FGF13: variants seen among roughly 807,000 people sequenced by gnomAD.
The protein encoded by FGF13 is fibroblast growth factor 13.
A neutral mutation model predicts 19.5 loss-of-function variants in FGF13; 2 were observed. The ratio of observed to expected loss-of-function variants is 0.10; its 90% CI spans 0.04 to 0.32. The LOEUF (loss-of-function observed/expected upper bound fraction) is 0.32, where lower values mean the gene tolerates loss of function less well. Among genes scored for constraint, FGF13 ranks in the 10% least tolerant of loss-of-function variants. The probability of loss-of-function intolerance (pLI) is 1.00; values close to 1 mark genes in which losing one functional copy is unlikely to be tolerated. For synonymous variants in FGF13, 72 were observed against 76.9 expected (o/e 0.94, Z 0.33); for missense variants, 113 against 192.7 (o/e 0.59, Z 2.45).
intron 1 of FGF13, among the ~76,000 whole-genome samples, chrX:138,947,579 TG>T (rs748093501): frequency 8.9e-6 from 1 of 112,220 alleles, no homozygotes; most frequent in African/African-American, 3.2e-5. Context: ...TTGCCTCTCC[TG>T]TCATGAGGAA....
At chrX:139,183,178 G>A (rs191076485) in intron 1 of FGF13, among the ~76,000 whole-genome samples, 7 of 112,077 alleles carry the variant, frequency 6.2e-5, no homozygotes, top group South Asian at 3.7e-4. Context: ...GGCAGGACAC[G>A]CCAAAAACAT....
intron 1 of FGF13, among the ~76,000 whole-genome samples, chrX:138,984,605 GGAGGAGGAGGAT>G (rs1389227955): frequency 3.8e-5 from 2 of 52,814 alleles, no homozygotes; most frequent in African/African-American, 6.4e-5. Context: ...AGGAGGAGGA[GGAGGAGGAGGAT>G]GAGGAAGAGG....
At chrX:138,731,703 G>A (rs1351482034) in intron 1 of FGF13, among the ~76,000 whole-genome samples, 1 of 110,429 alleles carries the variant, frequency 9.1e-6, no homozygotes, top group Non-Finnish European at 1.9e-5. Flanking sequence ...ATCAGTGACA[G>A]AAAACAAATG....
intron 3 of FGF13, among the ~76,000 whole-genome samples, chrX:138,812,069 C>G (rs746739941): frequency 2.7e-5 from 3 of 110,600 alleles, no homozygotes; most frequent in Admixed American, 9.7e-5. Flanking sequence ...CAATCACTCT[C>G]CATCCCTCCT....
intron 1 of FGF13, among the ~76,000 whole-genome samples, chrX:138,912,319 T>TA (rs764864285): frequency 1.7e-3 from 189 of 111,088 alleles, no homozygotes; most frequent in Middle Eastern, 4.7e-3. Context: ...TTCAGCATGC[T>TA]AAAAAAGAGT....
At chrX:138,911,786 G>A (rs1284919992) in intron 1 of FGF13, among the ~76,000 whole-genome samples, 1 of 111,643 alleles carries the variant, frequency 9.0e-6, no homozygotes, top group African/African-American at 3.3e-5. Flanking sequence ...GCAACCATCT[G>A]TAAACTTGTC....
intron 1 of FGF13, among the ~76,000 whole-genome samples, chrX:139,190,188 G>A: frequency 8.9e-6 from 1 of 111,874 alleles, no homozygotes; most frequent in Non-Finnish European, 1.9e-5. Context: ...ATGCCATGGA[G>A]TCAGTGAAAG....
At chrX:138,848,846 C>T (rs756500956) in intron 3 of FGF13, among the ~76,000 whole-genome samples, 3 of 111,717 alleles carry the variant, frequency 2.7e-5, no homozygotes, top group Non-Finnish European at 5.6e-5. Context: ...AGTCTGTGAA[C>T]TATGTTACTT....
intron 1 of FGF13, among the ~76,000 whole-genome samples, chrX:138,728,953 G>T (rs1448379800): frequency 9.0e-6 from 1 of 111,292 alleles, no homozygotes; most frequent in Non-Finnish European, 1.9e-5. Context: ...GTGGTGAACT[G>T]AATGTCACTA....
chrX:138,715,118 T>G (rs749666295), upstream of FGF13, among the ~76,000 whole-genome samples: 6 of 112,082 alleles, frequency 5.4e-5, no homozygotes, highest in South Asian at 2.2e-3. Flanking sequence ...CCGTTGTTTC[T>G]CCCACGTGTC....
chrX:139,174,882 CT>C (rs1382920599), intron 1 of FGF13, among the ~76,000 whole-genome samples: 5 of 111,950 alleles, frequency 4.5e-5, no homozygotes, highest in Admixed American at 9.5e-5. Context: ...TATACAGGCT[CT>C]TTTTTGATTC....
chrX:138,727,160 T>TA (rs1044625241), intron 1 of FGF13, among the ~76,000 whole-genome samples: 47 of 111,094 alleles, frequency 4.2e-4, no homozygotes, highest in African/African-American at 1.5e-3. Context: ...AGATTCATTT[T>TA]TTTTTTTTTA....
chrX:138,722,989 G>A (rs1468178152), intron 1 of FGF13, among the ~76,000 whole-genome samples: 1 of 111,782 alleles, frequency 8.9e-6, no homozygotes, highest in Non-Finnish European at 1.9e-5. Flanking sequence ...TTCTGAGGTA[G>A]GTACTGTTAT....
intron 3 of FGF13, among the ~76,000 whole-genome samples, chrX:138,681,669 C>T (rs1314190026): frequency 8.9e-6 from 1 of 111,973 alleles, no homozygotes; most frequent in Non-Finnish European, 1.9e-5. Flanking sequence ...CTAAGTGTAA[C>T]CATTTCTAGT....
At chrX:138,706,654 G>A (rs187201462) in intron 2 of FGF13, among the ~76,000 whole-genome samples, 3 of 111,262 alleles carry the variant, frequency 2.7e-5, no homozygotes, top group South Asian at 7.6e-4. Flanking sequence ...TTGTATTCTC[G>A]TTATGCACAA....
At chrX:139,062,068 T>C (rs989492678) in intron 1 of FGF13, among the ~76,000 whole-genome samples, 2 of 111,812 alleles carry the variant, frequency 1.8e-5, no homozygotes, top group Admixed American at 1.9e-4. Context: ...TTTAGTTTTA[T>C]GTAATTCCAT....
chrX:138,706,138 T>C (rs1290735153), intron 2 of FGF13, among the ~76,000 whole-genome samples: 1 of 112,215 alleles, frequency 8.9e-6, no homozygotes, highest in Non-Finnish European at 1.9e-5. Flanking sequence ...AATGAAAGTA[T>C]ATATTAACGT....
At chrX:139,192,884 G>T (rs964003541) in intron 1 of FGF13, among the ~76,000 whole-genome samples, 1 of 111,830 alleles carries the variant, frequency 8.9e-6, no homozygotes, top group African/African-American at 3.3e-5. Context: ...TTCATGCACT[G>T]AAAGTCTGTT....
chrX:138,622,159 G>A lies in FGF13; in HGVS notation c.*10691C>T, dbSNP rs2089020400. ...GGCAAGGACACTACAAGAAAAAAAA[G>A]GAATACAGTCCCAAATCCCTGTTGA... On this transcript the variant is annotated 3_prime_UTR_variant, in exon 5 of 5. Coordinates refer to ENST00000315930, the MANE Select transcript of FGF13 (RefSeq NM_004114.5). The A allele has an allele frequency of 9.1e-6, 1 of 109,964 alleles. No homozygotes were observed. The highest frequency in any genetic ancestry group is 3.9e-4 in the South Asian group (1 of 2,587). 9.1% of individuals were successfully genotyped at this position (109,964 alleles called of 1,213,427 possible). A position where few individuals can be genotyped will look rare whatever the true frequency, so the allele number is the denominator to read the frequency against.
Sources: gnomAD v4.1 joint callset for allele counts (sites outside exome capture counted in the v4.1 genomes callset) on GRCh38, gnomAD v4.1.1 for gene constraint, MANE v1.5 for transcripts, NCBI Gene and HGNC (gene_info 2026-07-23, HGNC 2026-07-21) for gene names.